Variants in GALNTL6 observed in about 807,000 individuals in gnomAD.
GALNTL6 encodes the protein polypeptide N-acetylgalactosaminyltransferase-like 6.
A neutral mutation model predicts 73.7 loss-of-function variants in GALNTL6; 46 were observed. The observed-to-expected ratio is 0.62, with a 90% CI of 0.49 to 0.80. The LOEUF is 0.80. Ranked by LOEUF, GALNTL6 falls within the 30% of genes least tolerant of loss-of-function variation. GALNTL6 has a pLI of 0.00. For synonymous variants in GALNTL6, 259 were observed against 263.7 expected (o/e 0.98, Z 0.17); for missense variants, 604 against 755.0 (o/e 0.80, Z 2.34).
chr4:172,614,321 A>C, intron 5 of GALNTL6, among the ~76,000 whole-genome samples: 1 of 152,182 alleles, frequency 6.6e-6, no homozygotes, highest in East Asian at 1.9e-4. Context: ...TTGAAGAAAT[A>C]GCTGTTGAGG....
At chr4:171,926,661 T>C (rs1014731275) in intron 2 of GALNTL6, among the ~76,000 whole-genome samples, 1 of 152,120 alleles carries the variant, frequency 6.6e-6, no homozygotes, top group African/African-American at 2.4e-5. Context: ...CTGTTGGATA[T>C]GCAGGATATC....
At chr4:172,676,269 G>A (rs1336778481) in intron 5 of GALNTL6, among the ~76,000 whole-genome samples, 3 of 152,122 alleles carry the variant, frequency 2.0e-5, no homozygotes, top group South Asian at 2.1e-4. Context: ...CAAGGGACAC[G>A]GTCAACTTTA....
At chr4:171,883,287 G>A (rs1736506306) in intron 2 of GALNTL6, among the ~76,000 whole-genome samples, 1 of 152,080 alleles carries the variant, frequency 6.6e-6, no homozygotes, top group African/African-American at 2.4e-5. Flanking sequence ...GGGAGGAGGA[G>A]GTTGCAGTGA....
chr4:172,337,357 G>A (rs138995225), intron 4 of GALNTL6, among the ~76,000 whole-genome samples: 94 of 152,212 alleles, frequency 6.2e-4, no homozygotes, highest in African/African-American at 2.1e-3. Context: ...TTTCTACTGT[G>A]TAGTTGCTTC....
chr4:171,853,091 C>G (rs2110864580), intron 2 of GALNTL6, among the ~76,000 whole-genome samples: 1 of 143,574 alleles, frequency 7.0e-6, no homozygotes, highest in African/African-American at 2.6e-5. Flanking sequence ...TTTTGATCTC[C>G]TGACCTCGTG....
intron 2 of GALNTL6, among the ~76,000 whole-genome samples, chr4:171,817,890 T>G (rs1250479786): frequency 6.6e-6 from 1 of 151,462 alleles, no homozygotes; most frequent in Non-Finnish European, 1.5e-5. Flanking sequence ...ATTTTAAGAT[T>G]TTATAAAAAT....
chr4:172,635,442 G>A (rs1194427931), intron 5 of GALNTL6, among the ~76,000 whole-genome samples: 2 of 152,070 alleles, frequency 1.3e-5, no homozygotes, highest in Admixed American at 6.6e-5. Context: ...CTGAGCTTTA[G>A]TTTTGGGTTT....
intron 3 of GALNTL6, among the ~76,000 whole-genome samples, chr4:172,242,885 A>G (rs947888237): frequency 6.6e-6 from 1 of 152,212 alleles, no homozygotes; most frequent in Non-Finnish European, 1.5e-5. Flanking sequence ...TGCCTAAACT[A>G]TTTCAATAAG....
At chr4:171,880,252 TGTACTA>T (rs1736401220) in intron 2 of GALNTL6, among the ~76,000 whole-genome samples, 1 of 152,212 alleles carries the variant, frequency 6.6e-6, no homozygotes, top group Non-Finnish European at 1.5e-5. Flanking sequence ...TGTTTATTAC[TGTACTA>T]AAACAAGGTT....
chr4:172,292,539 C>T (rs972629895), intron 3 of GALNTL6, among the ~76,000 whole-genome samples: 14 of 152,206 alleles, frequency 9.2e-5, no homozygotes, highest in African/African-American at 3.4e-4. Flanking sequence ...GAGCATGAAA[C>T]TGGGACTAAG....
intron 5 of GALNTL6, among the ~76,000 whole-genome samples, chr4:172,738,592 A>C (rs536243248): frequency 1.5e-5 from 2 of 129,434 alleles, no homozygotes; most frequent in African/African-American, 6.7e-5. Flanking sequence ...AATATATTTT[A>C]AAACGTGTCA....
chr4:172,711,919 G>T (rs1579377374), intron 5 of GALNTL6, among the ~76,000 whole-genome samples: 1 of 152,156 alleles, frequency 6.6e-6, no homozygotes, highest in East Asian at 1.9e-4. Context: ...AAGCAAAGGG[G>T]CAGGAGCAAG....
chr4:172,350,439 T>C (rs149220650), intron 5 of GALNTL6, among the ~76,000 whole-genome samples: 1 of 152,294 alleles, frequency 6.6e-6, no homozygotes, highest in East Asian at 1.9e-4. Context: ...TATGTTTCTG[T>C]ATGTCATGTT....
At chr4:172,298,261 G>C (rs1739762682) in intron 3 of GALNTL6, among the ~76,000 whole-genome samples, 1 of 152,126 alleles carries the variant, frequency 6.6e-6, no homozygotes, top group African/African-American at 2.4e-5. Flanking sequence ...GGGCTGAGAT[G>C]ATGGGGTTTT....
chr4:172,744,572 A>T (rs1384454468), intron 5 of GALNTL6, among the ~76,000 whole-genome samples: 2 of 152,146 alleles, frequency 1.3e-5, no homozygotes, highest in Non-Finnish European at 2.9e-5. Context: ...AAATAAAGTA[A>T]TAAGTTAGTA....
chr4:172,600,953 C>A (rs1330691780), intron 5 of GALNTL6, among the ~76,000 whole-genome samples: 1 of 151,710 alleles, frequency 6.6e-6, no homozygotes, highest in Non-Finnish European at 1.5e-5. Flanking sequence ...GCAGAAAAAT[C>A]TGAACCATAA....
At chr4:172,298,211 G>A (rs1352277191) in intron 3 of GALNTL6, among the ~76,000 whole-genome samples, 1 of 152,290 alleles carries the variant, frequency 6.6e-6, no homozygotes, top group African/African-American at 2.4e-5. Flanking sequence ...TTTGTATCCT[G>A]AGACTTTGCT....
intron 2 of GALNTL6, among the ~76,000 whole-genome samples, chr4:172,087,307 TGG>T (rs1307797202): frequency 1.3e-5 from 2 of 150,292 alleles, no homozygotes; most frequent in African/African-American, 4.9e-5. Context: ...TAGCCGGGCG[TGG>T]GGGTGGGCGC....
intron 5 of GALNTL6, among the ~76,000 whole-genome samples, chr4:172,498,932 A>G (rs1193424660): frequency 6.6e-6 from 1 of 152,202 alleles, no homozygotes; most frequent in Non-Finnish European, 1.5e-5. Context: ...TTGAAGTAAC[A>G]TAATGCACAT....
Sources: allele counts gnomAD v4.1 joint callset (sites outside exome capture counted in the v4.1 genomes callset), GRCh38; gene constraint gnomAD v4.1.1; transcripts MANE v1.5; gene names NCBI Gene and HGNC (gene_info 2026-07-23, HGNC 2026-07-21).